Variants in SDK1 observed in about 807,000 individuals in gnomAD.
The protein encoded by SDK1 is sidekick cell adhesion molecule 1.
Under a neutral mutation model 245.5 loss-of-function variants are expected in SDK1, and 157 were observed. The ratio of observed to expected loss-of-function variants is 0.64; its 90% CI spans 0.56 to 0.73. The LOEUF (loss-of-function observed/expected upper bound fraction) is 0.73. Among genes scored for constraint, SDK1 ranks in the 30% least tolerant of loss-of-function variants. SDK1 has a pLI of 0.00. For missense variants in SDK1, 3,583 were observed against 3,002.3 expected (o/e 1.19, Z -4.52); for synonymous variants, 1,647 against 1,278.5 (o/e 1.29, Z -6.15).
chr7:3,726,166 AAC>A (rs1779002907), intron 4 of SDK1, among the ~76,000 whole-genome samples: 1 of 152,230 alleles, frequency 6.6e-6, no homozygotes, highest in African/African-American at 2.4e-5. Flanking sequence ...ATCATGTGAG[AAC>A]ATTTTAGATA....
intron 1 of SDK1, among the ~76,000 whole-genome samples, chr7:3,439,508 A>G (rs1391389955): frequency 6.6e-6 from 1 of 152,194 alleles, no homozygotes; most frequent in Non-Finnish European, 1.5e-5. Flanking sequence ...TGTGCCAAGA[A>G]GCATAAGCTA....
intron 1 of SDK1, among the ~76,000 whole-genome samples, chr7:3,462,994 C>G (rs1022676341): frequency 1.3e-5 from 2 of 152,190 alleles, no homozygotes; most frequent in African/African-American, 4.8e-5. Context: ...TGGCAGCTCC[C>G]CCGTGTGTTC....
chr7:3,508,238 C>G (rs1368954648), intron 1 of SDK1, among the ~76,000 whole-genome samples: 4 of 151,726 alleles, frequency 2.6e-5, no homozygotes, highest in East Asian at 1.9e-4. Context: ...GTTGACTTCT[C>G]TGTCCCTGAA....
chr7:3,559,094 C>G (rs761500568), intron 1 of SDK1, among the ~76,000 whole-genome samples: 1 of 152,154 alleles, frequency 6.6e-6, no homozygotes, highest in Non-Finnish European at 1.5e-5. Context: ...TTCCCTCTGA[C>G]TGAAATTACT....
At chr7:3,528,529 C>T (rs938027567) in intron 1 of SDK1, among the ~76,000 whole-genome samples, 1 of 151,982 alleles carries the variant, frequency 6.6e-6, no homozygotes, top group African/African-American at 2.4e-5. Flanking sequence ...AGCGTGTTTG[C>T]ATTTATTTAC....
intron 1 of SDK1, among the ~76,000 whole-genome samples, chr7:3,590,580 A>G (rs973470768): frequency 6.6e-6 from 1 of 152,176 alleles, no homozygotes; most frequent in Non-Finnish European, 1.5e-5. Context: ...TCTATTAATT[A>G]AAATGAAAAG....
intron 1 of SDK1, among the ~76,000 whole-genome samples, chr7:3,414,148 G>A (rs1779293981): frequency 6.6e-6 from 1 of 152,132 alleles, no homozygotes; most frequent in African/African-American, 2.4e-5. Flanking sequence ...TGCCTTATGG[G>A]TGATAGGCAG....
chr7:3,580,105 A>C (rs1028810908), intron 1 of SDK1, among the ~76,000 whole-genome samples: 4 of 152,210 alleles, frequency 2.6e-5, no homozygotes, highest in Non-Finnish European at 5.9e-5. Context: ...AGATCTCTAC[A>C]AGGAGAATTA....
At chr7:4,088,718 T>C (rs1265347170) in intron 22 of SDK1, among the ~76,000 whole-genome samples, 6 of 152,206 alleles carry the variant, frequency 3.9e-5, no homozygotes, top group Non-Finnish European at 1.5e-5. Context: ...AATTTGGTCT[T>C]GATGTTTGTT....
In SDK1 at chr7:3,414,333, G is replaced by T. The variant is rs549993470; in HGVS notation, c.298+112449G>T. On this transcript the variant is annotated intron_variant, in intron 1 of 44. Coordinates refer to ENST00000404826, the MANE Select transcript of SDK1 (RefSeq NM_152744.4). ...TGGACTGTTTGGCCCAGCCCACGGAGGAGGAGAGTGCTGGGTTTTAGAAAT... is the reference window on the plus strand; with the variant it reads ...TGGACTGTTTGGCCCAGCCCACGGATGAGGAGAGTGCTGGGTTTTAGAAAT... 8.5e-5 allele frequency among the ~76,000 whole-genome samples: 13 copies of T among 152,232 alleles called. No individual in the cohort carries two copies. In the South Asian group the frequency reaches 2.7e-3, roughly 32 times the overall value.
intron 4 of SDK1, among the ~76,000 whole-genome samples, chr7:3,748,023 G>C (rs1414444808): frequency 6.6e-6 from 1 of 152,008 alleles, no homozygotes. Context: ...GTATATATTT[G>C]ATTATACTGT....
chr7:3,466,802 C>T (rs1781015630), intron 1 of SDK1, among the ~76,000 whole-genome samples: 1 of 151,758 alleles, frequency 6.6e-6, no homozygotes, highest in Admixed American at 6.6e-5. Flanking sequence ...AAATTGAACA[C>T]TGTAAAGGAC....
chr7:3,922,572 T>C (rs1213587117), intron 5 of SDK1, among the ~76,000 whole-genome samples: 2 of 152,252 alleles, frequency 1.3e-5, no homozygotes, highest in Non-Finnish European at 2.9e-5. Context: ...TAACATTCCG[T>C]AGATGTTACT....
Position 4,144,822 on chromosome 7 carries a change from G to A in SDK1, c.4229-900G>A, listed in dbSNP as rs533200581. 2.5e-4 allele frequency among the ~76,000 whole-genome samples: 38 copies of A among 152,274 alleles called. 1 individual carries two copies. The South Asian group carries it at 5.2e-3, about 21-fold the overall frequency. Reference sequence around the variant, plus strand: ...ACCGGAGCGCGGCTCTGTTCCCCCCGTGCGTCCTCCCTTGTTTAACTCCAG... The same window carrying A: ...ACCGGAGCGCGGCTCTGTTCCCCCCATGCGTCCTCCCTTGTTTAACTCCAG... On this transcript the variant is annotated intron_variant, in intron 28 of 44. Transcript: ENST00000404826.
At chr7:3,803,854 TC>T (rs1397296924) in intron 4 of SDK1, among the ~76,000 whole-genome samples, 3 of 147,356 alleles carry the variant, frequency 2.0e-5, no homozygotes, top group African/African-American at 7.5e-5. Context: ...AAGCTCCGCC[TC>T]CCATGTTCAC....
intron 5 of SDK1, among the ~76,000 whole-genome samples, chr7:3,897,225 C>G (rs1376130970): frequency 6.6e-6 from 1 of 152,190 alleles, no homozygotes; most frequent in Non-Finnish European, 1.5e-5. Context: ...AGCATCTTCT[C>G]CATTTTAAGT....
chr7:4,011,258 C>T lies in SDK1; in HGVS notation c.2279+145C>T, dbSNP rs1258880211. 1.1e-5 allele frequency: 12 copies of T among 1,079,742 alleles called. No individual in the cohort carries two copies. The East Asian group carries it at 2.1e-4, about 19-fold the overall frequency. 66.9% of individuals were successfully genotyped at this position (1,079,742 alleles called of 1,614,324 possible). On this transcript the variant is annotated intron_variant, in intron 15 of 44. Transcript: ENST00000404826. ...CGGGACAAACCGTGAGCAGAAAAGCCTGTCGCAAAGAGGGAAAGACAGGCC... is the reference window on the plus strand; with the variant it reads ...CGGGACAAACCGTGAGCAGAAAAGCTTGTCGCAAAGAGGGAAAGACAGGCC...
At chr7:3,532,778 C>A (rs1783392694) in intron 1 of SDK1, among the ~76,000 whole-genome samples, 1 of 152,300 alleles carries the variant, frequency 6.6e-6, no homozygotes, top group East Asian at 1.9e-4. Context: ...TGACTAAAGC[C>A]TTGTCTAGTT....
intron 1 of SDK1, among the ~76,000 whole-genome samples, chr7:3,429,854 G>A (rs1779784906): frequency 6.6e-6 from 1 of 151,900 alleles, no homozygotes; most frequent in Admixed American, 6.6e-5. Context: ...GCCTCCCAAT[G>A]AGTTGGGATT....
Sources: allele counts gnomAD v4.1 joint callset (sites outside exome capture counted in the v4.1 genomes callset), GRCh38; gene constraint gnomAD v4.1.1; transcripts MANE v1.5; gene names NCBI Gene and HGNC (gene_info 2026-07-23, HGNC 2026-07-21).